The following DPP10 variants were observed in gnomAD, a reference collection of about 807,000 sequenced individuals.
The protein encoded by DPP10 is dipeptidyl peptidase like 10, also known as inactive dipeptidyl peptidase 10.
In DPP10, 33 loss-of-function variants were observed where a neutral mutation model predicts 120.9. That is an observed-to-expected ratio of 0.27 (90% CI 0.21 to 0.37). The LOEUF (loss-of-function observed/expected upper bound fraction) is 0.37. DPP10 is among the 10% of genes least tolerant of loss of function. The pLI is 1.00. For synonymous variants in DPP10, 337 were observed against 326.1 expected, an observed-to-expected ratio of 1.03 and a Z score of -0.36; for missense variants, 816 against 942.8, an observed-to-expected ratio of 0.87 and a Z score of 1.76.
At chr2:114,945,757 A>G (rs1203201389) in intron 1 of DPP10, among the ~76,000 whole-genome samples, 3 of 152,026 alleles carry the variant, frequency 2.0e-5, no homozygotes. Flanking sequence ...CAGAGATTAC[A>G]GTGAGCCGAG....
intron 1 of DPP10, among the ~76,000 whole-genome samples, chr2:115,201,620 AAG>A: frequency 6.6e-6 from 1 of 152,322 alleles, no homozygotes; most frequent in East Asian, 1.9e-4. Context: ...TGAGTCCAAC[AAG>A]AGGAAACAAG....
intron 3 of DPP10, among the ~76,000 whole-genome samples, chr2:115,484,776 G>A (rs2075664322): frequency 6.6e-6 from 1 of 152,098 alleles, no homozygotes; most frequent in African/African-American, 2.4e-5. Flanking sequence ...CAGTTCGGGA[G>A]GTAATCTCAT....
intron 1 of DPP10, among the ~76,000 whole-genome samples, chr2:114,821,105 G>C (rs1043975663): frequency 1.3e-4 from 20 of 152,310 alleles, no homozygotes; most frequent in Non-Finnish European, 2.8e-4. Context: ...AAGGATACCA[G>C]CCAGTTTTAT....
intron 3 of DPP10, among the ~76,000 whole-genome samples, chr2:115,496,185 CA>C (rs139849573): frequency 2.0e-5 from 3 of 150,856 alleles, no homozygotes; most frequent in Admixed American, 6.6e-5. Flanking sequence ...TTATAAAGAA[CA>C]AAAAAAACCC....
intron 1 of DPP10, among the ~76,000 whole-genome samples, chr2:115,007,382 T>C (rs1287863490): frequency 6.6e-6 from 1 of 152,160 alleles, no homozygotes; most frequent in African/African-American, 2.4e-5. Context: ...CAACCTTTCA[T>C]GCTAAAAACT....
intron 1 of DPP10, among the ~76,000 whole-genome samples, chr2:114,857,792 G>A (rs2106514643): frequency 6.6e-6 from 1 of 152,236 alleles, no homozygotes; most frequent in Non-Finnish European, 1.5e-5. Flanking sequence ...AAAGGAACTT[G>A]GAGGTAAAAG....
intron 8 of DPP10, among the ~76,000 whole-genome samples, chr2:115,728,220 T>C (rs141154388): frequency 6.6e-6 from 1 of 151,742 alleles, no homozygotes; most frequent in South Asian, 2.1e-4. Flanking sequence ...TTACCTTATG[T>C]CACTTTGGAA....
chr2:114,914,897 C>T (rs1423861703), intron 1 of DPP10, among the ~76,000 whole-genome samples: 10 of 152,070 alleles, frequency 6.6e-5, no homozygotes, highest in Admixed American at 3.3e-4. Flanking sequence ...TTTGGGAGGC[C>T]GAGGCGGGCG....
At chr2:115,483,867 G>A (rs1365773219) in intron 3 of DPP10, among the ~76,000 whole-genome samples, 1 of 152,056 alleles carries the variant, frequency 6.6e-6, no homozygotes, top group Non-Finnish European at 1.5e-5. Context: ...TCTCAGCAGT[G>A]TCAGACTGAT....
intron 1 of DPP10, among the ~76,000 whole-genome samples, chr2:114,445,893 A>G (rs1179417517): frequency 6.6e-6 from 1 of 152,162 alleles, no homozygotes; most frequent in Non-Finnish European, 1.5e-5. Flanking sequence ...GTGTGTTCTC[A>G]GATCACTTTG....
At chr2:115,161,856 C>T (rs1445415997) in intron 1 of DPP10, 1 of 1,022,838 alleles carries the variant, frequency 9.8e-7, no homozygotes, top group African/African-American at 1.7e-5. Flanking sequence ...TCCGCCGATT[C>T]CGGGAGCGAC....
chr2:115,377,565 C>T (rs2065912004), intron 3 of DPP10, among the ~76,000 whole-genome samples: 1 of 152,134 alleles, frequency 6.6e-6, no homozygotes, highest in Non-Finnish European at 1.5e-5. Context: ...AATTAGATCC[C>T]ATTTGTCAAT....
chr2:115,774,149 C>A (rs555008273), intron 13 of DPP10, among the ~76,000 whole-genome samples: 6 of 151,412 alleles, frequency 4.0e-5, no homozygotes, highest in Admixed American at 3.3e-4. Flanking sequence ...TTTTTCAAAG[C>A]ATTGGGTTTT....
chr2:115,491,879 G>C (rs1332497719), intron 3 of DPP10, among the ~76,000 whole-genome samples: 1 of 152,098 alleles, frequency 6.6e-6, no homozygotes, highest in Non-Finnish European at 1.5e-5. Context: ...CAAGGGTAGG[G>C]GTAGAGGAAT....
intron 1 of DPP10, among the ~76,000 whole-genome samples, chr2:114,584,519 A>G (rs372754467): frequency 6.8e-6 from 1 of 147,928 alleles, no homozygotes; most frequent in Non-Finnish European, 1.5e-5. Flanking sequence ...AGCATTAGGT[A>G]TATCTCCTAA....
At chr2:114,506,493 C>T (rs897993092) in intron 1 of DPP10, among the ~76,000 whole-genome samples, 3 of 152,162 alleles carry the variant, frequency 2.0e-5, no homozygotes, top group Non-Finnish European at 4.4e-5. Flanking sequence ...AAGGCTGTCA[C>T]ACTGACCTTC....
chr2:115,603,571 T>G (rs1250400867), intron 5 of DPP10, among the ~76,000 whole-genome samples: 4 of 70,512 alleles, frequency 5.7e-5, no homozygotes, highest in Non-Finnish European at 5.0e-5. Flanking sequence ...TTTTTTTTTG[T>G]TTTTTTTTTT....
chr2:114,792,554 A>G (rs1297218271), intron 1 of DPP10, among the ~76,000 whole-genome samples: 1 of 152,196 alleles, frequency 6.6e-6, no homozygotes, highest in Non-Finnish European at 1.5e-5. Context: ...GGGAACATGT[A>G]TTTTGAGATA....
At chr2:114,451,590 C>G (rs1166076837) in intron 1 of DPP10, among the ~76,000 whole-genome samples, 1 of 151,986 alleles carries the variant, frequency 6.6e-6, no homozygotes. Context: ...GGCAATGCAA[C>G]TGTCATGAAA....
Sources: gnomAD v4.1 joint callset for allele counts (sites outside exome capture counted in the v4.1 genomes callset) on GRCh38, gnomAD v4.1.1 for gene constraint, MANE v1.5 for transcripts, NCBI Gene and HGNC (gene_info 2026-07-23, HGNC 2026-07-21) for gene names.